Variants in WDR49 observed in about 807,000 individuals in gnomAD.
WDR49 encodes the protein cilia- and flagella-associated protein 337.
Under a neutral mutation model 119.5 loss-of-function variants are expected in WDR49, and 107 were observed. The ratio of observed to expected loss-of-function variants is 0.90; its 90% CI spans 0.77 to 1.05. The LOEUF (loss-of-function observed/expected upper bound fraction) is 1.05. WDR49 is among the 50% of genes least tolerant of loss of function. The pLI, the probability that WDR49 is intolerant of heterozygous loss-of-function variation, is 0.00. For synonymous variants in WDR49, 425 were observed against 418.8 expected (o/e 1.01, Z -0.18); for missense variants, 1,240 against 1,220.5 (o/e 1.02, Z -0.24).
rs533599054 is a variant in WDR49 at position 167,560,218 on chromosome 3, G to C, written c.1520C>G (p.Ser507Cys). 1 of 1,612,586 alleles carries C rather than the reference G, an allele frequency of 6.2e-7. No homozygotes were observed. The highest frequency in any genetic ancestry group is 2.2e-5 in the East Asian group (1 of 44,852). The change falls in exon 9 of 19, where the codon TCT becomes TGT. Residue 507 changes from serine (S) to cysteine (C), a missense_variant. By Grantham distance (112) the Ser-to-Cys change is moderately radical (BLOSUM62 -1). Coordinates refer to ENST00000682715, the MANE Select transcript of WDR49 (RefSeq NM_001366157.1). ...GAAGGAAACAGTAGACCCTGTATCA[G>C]AGCTGATTACCTAAGAGAAAATAAC... ...YNSILKQVIS[S>C]DTGSTVSFWM... is the part of the protein sequence containing the mutation.
intron 3 of WDR49, among the ~76,000 whole-genome samples, chr3:167,625,048 T>C (rs914114526): frequency 4.6e-5 from 7 of 151,988 alleles, no homozygotes; most frequent in Admixed American, 2.6e-4. Flanking sequence ...TACTCCATGG[T>C]GATTTTGAGA....
In WDR49 at chr3:167,484,236, C is replaced by G. The variant is rs183155784; in HGVS notation, c.3032-5240G>C. On this transcript the variant is annotated intron_variant, in intron 18 of 18. Transcript: ENST00000682715. ...TGAACTTTAGATAAGGGAGATTATC[C>G]CGGATTATCTGGTGAGCCAGACTTA... 1.2e-4 allele frequency among the ~76,000 whole-genome samples: 18 copies of G among 151,954 alleles called. No individual in the cohort carries two copies. The East Asian group carries it at 3.3e-3, about 28-fold the overall frequency.
At chr3:167,552,210 T>G (rs887971669) in intron 10 of WDR49, among the ~76,000 whole-genome samples, 41 of 152,058 alleles carry the variant, frequency 2.7e-4, no homozygotes, top group African/African-American at 9.2e-4. Flanking sequence ...TGAAAGGTTT[T>G]AAGCAAGCAC....
chr3:167,654,576 G>A (rs149743878), upstream of WDR49, among the ~76,000 whole-genome samples: 11 of 152,298 alleles, frequency 7.2e-5, no homozygotes, highest in East Asian at 2.1e-3. Context: ...CAAGGCAGAT[G>A]TGATCATTAT....
Position 167,529,659 on chromosome 3 carries a change from A to G in WDR49, c.2219-420T>C, listed in dbSNP as rs560855451. Among the ~76,000 whole-genome samples, 27 of 152,268 alleles carry G rather than the reference A, an allele frequency of 1.8e-4. No individual in the cohort carries two copies. The East Asian group carries it at 5.2e-3, about 29-fold the overall frequency. On this transcript the variant is annotated intron_variant, in intron 13 of 18. Coordinates refer to ENST00000682715, the MANE Select transcript of WDR49 (RefSeq NM_001366157.1). ...CAATGAAGTAAAAGTCCATATGCACAGATTTGGATGGAATATGTAGTGATA... is the reference window on the plus strand; with the variant it reads ...CAATGAAGTAAAAGTCCATATGCACGGATTTGGATGGAATATGTAGTGATA...
chr3:167,583,511 A>G (rs1199894777), intron 7 of WDR49, among the ~76,000 whole-genome samples: 2 of 152,148 alleles, frequency 1.3e-5, no homozygotes, highest in South Asian at 2.1e-4. Flanking sequence ...CCTGGACAAC[A>G]TACAAAGACC....
intron 12 of WDR49, 88 bp from the exon 13 acceptor site, chr3:167,531,367 T>C: frequency 7.0e-7 from 1 of 1,419,230 alleles, no homozygotes; most frequent in Middle Eastern, 2.5e-4. Flanking sequence ...CCCACATCTA[T>C]CACTATATCC....
chr3:167,573,079 C>T (rs146899083), intron 8 of WDR49, among the ~76,000 whole-genome samples: 25 of 152,266 alleles, frequency 1.6e-4, no homozygotes, highest in East Asian at 1.2e-3. Flanking sequence ...CAGCAACATT[C>T]GCCCTCTTTG....
At chr3:167,641,863 T>A (rs567331821) in intron 2 of WDR49, among the ~76,000 whole-genome samples, 1 of 151,966 alleles carries the variant, frequency 6.6e-6, no homozygotes, top group South Asian at 2.1e-4. Flanking sequence ...TAGAGATACA[T>A]TGTTAATCAA....
intron 10 of WDR49, among the ~76,000 whole-genome samples, chr3:167,537,944 C>T (rs2108249691): frequency 6.6e-6 from 1 of 152,246 alleles, no homozygotes; most frequent in African/African-American, 2.4e-5. Context: ...ACTCCTCAGC[C>T]TCAGAGTTTC....
chr3:167,553,027 C>A (rs989682320), intron 10 of WDR49, among the ~76,000 whole-genome samples: 1 of 152,044 alleles, frequency 6.6e-6, no homozygotes, highest in Non-Finnish European at 1.5e-5. Flanking sequence ...ACGGTCCATC[C>A]TCCTGTAACT....
At chr3:167,507,540 T>C (rs530980716) in intron 16 of WDR49, among the ~76,000 whole-genome samples, 39 of 152,298 alleles carry the variant, frequency 2.6e-4, no homozygotes, top group Non-Finnish European at 5.0e-4. Flanking sequence ...CATGTAAACA[T>C]GTGCAAAAGA....
chr3:167,589,371 G>A (rs1055393546), intron 7 of WDR49, among the ~76,000 whole-genome samples: 1 of 152,090 alleles, frequency 6.6e-6, no homozygotes, highest in Non-Finnish European at 1.5e-5. Context: ...CAGTTAGTGT[G>A]ATTCCTTCAC....
intron 16 of WDR49, among the ~76,000 whole-genome samples, chr3:167,510,375 A>G (rs1022135959): frequency 1.1e-4 from 16 of 152,220 alleles, no homozygotes; most frequent in Admixed American, 2.0e-4. Flanking sequence ...CCAAAAAACA[A>G]ATATTCCTAT....
intron 10 of WDR49, among the ~76,000 whole-genome samples, chr3:167,541,265 T>C (rs1411697125): frequency 6.6e-6 from 1 of 151,862 alleles, no homozygotes; most frequent in East Asian, 1.9e-4. Flanking sequence ...TTATCTAAAG[T>C]CAAACAAAGG....
chr3:167,611,143 G>A (rs1716317880), intron 5 of WDR49, among the ~76,000 whole-genome samples: 1 of 152,022 alleles, frequency 6.6e-6, no homozygotes, highest in Admixed American at 6.6e-5. Context: ...AATTTTCAAG[G>A]CATAATCAGT....
intron 18 of WDR49, among the ~76,000 whole-genome samples, chr3:167,484,376 C>T (rs1267166113): frequency 2.0e-5 from 3 of 152,046 alleles, no homozygotes; most frequent in Non-Finnish European, 4.4e-5. Context: ...AGCACACCAA[C>T]ATGGCACATG....
chr3:167,542,705 C>T (rs1186889324), intron 10 of WDR49, among the ~76,000 whole-genome samples: 5 of 151,240 alleles, frequency 3.3e-5, no homozygotes, highest in African/African-American at 1.2e-4. Context: ...CACAAATAGA[C>T]AATATAAAGT....
intron 5 of WDR49, among the ~76,000 whole-genome samples, chr3:167,613,805 C>T (rs1162821087): frequency 6.6e-6 from 1 of 151,646 alleles, no homozygotes; most frequent in African/African-American, 2.4e-5. Flanking sequence ...ATTAGCAGGG[C>T]GTGGTAGCTC....
Sources: gnomAD v4.1 joint callset for allele counts (sites outside exome capture counted in the v4.1 genomes callset) on GRCh38, gnomAD v4.1.1 for gene constraint, MANE v1.5 for transcripts, NCBI Gene and HGNC (gene_info 2026-07-23, HGNC 2026-07-21) for gene names.